Variants in VPS8 observed in about 807,000 individuals in gnomAD.
VPS8 encodes the protein VPS8 subunit of CORVET complex, also known as vacuolar protein sorting-associated protein 8 homolog.
VPS8 carries 129 observed loss-of-function variants against 216.4 expected under a neutral mutation model. That is an observed-to-expected ratio of 0.60 (90% confidence interval 0.52 to 0.69). The LOEUF is 0.69. Ranked by LOEUF, VPS8 falls within the 30% of genes least tolerant of loss-of-function variation. The probability of loss-of-function intolerance (pLI) is 0.00; values close to 1 mark genes in which losing one functional copy is unlikely to be tolerated. For synonymous variants in VPS8, 571 were observed against 565.4 expected (o/e 1.01, Z -0.14); for missense variants, 1,531 against 1,683.5 (o/e 0.91, Z 1.59).
intron 46 of VPS8, among the ~76,000 whole-genome samples, chr3:185,025,143 G>C (rs760386755): frequency 2.6e-5 from 4 of 152,246 alleles, no homozygotes; most frequent in African/African-American, 4.8e-5. Flanking sequence ...TGCTACTTCA[G>C]TTCCTGACTG....
chr3:184,858,628 G>A (rs976840415), intron 14 of VPS8, among the ~76,000 whole-genome samples: 1 of 152,212 alleles, frequency 6.6e-6, no homozygotes, highest in African/African-American at 2.4e-5. Flanking sequence ...GCAGGAACAT[G>A]GTTGTGGTGG....
intron 36 of VPS8, among the ~76,000 whole-genome samples, chr3:184,940,531 G>A (rs1742497752): frequency 6.6e-6 from 1 of 152,166 alleles, no homozygotes; most frequent in African/African-American, 2.4e-5. Flanking sequence ...TGTTTCAGAA[G>A]AGTTAGCTTC....
At chr3:185,039,361 T>G (rs1268529627) in intron 46 of VPS8, among the ~76,000 whole-genome samples, 1 of 152,066 alleles carries the variant, frequency 6.6e-6, no homozygotes, top group African/African-American at 2.4e-5. Context: ...TTCTGCAGTC[T>G]GTACAAGCAG....
intron 40 of VPS8, among the ~76,000 whole-genome samples, chr3:184,977,566 T>G (rs914017859): frequency 8.5e-5 from 13 of 152,234 alleles, no homozygotes; most frequent in African/African-American, 2.9e-4. Context: ...GGTATTCTTC[T>G]AAGAGTTTTA....
At chr3:184,865,766 T>C (rs1032882926) in intron 16 of VPS8, among the ~76,000 whole-genome samples, 1 of 152,186 alleles carries the variant, frequency 6.6e-6, no homozygotes, top group Non-Finnish European at 1.5e-5. Flanking sequence ...GGCGGGAGGA[T>C]CACCTGAGGT....
intron 34 of VPS8, among the ~76,000 whole-genome samples, chr3:184,933,296 T>C (rs1453442331): frequency 1.3e-5 from 2 of 152,208 alleles, no homozygotes; most frequent in African/African-American, 4.8e-5. Flanking sequence ...CATTTACCTT[T>C]CCTTAATTAC....
intron 44 of VPS8, 106 bp from the exon 45 acceptor site, chr3:184,999,590 A>G: frequency 1.5e-6 from 2 of 1,352,024 alleles, no homozygotes; most frequent in Non-Finnish European, 2.0e-6. Flanking sequence ...CCATCAGTGC[A>G]TTTCTACTTG....
At chr3:185,016,794 C>T (rs1332906638) in intron 45 of VPS8, among the ~76,000 whole-genome samples, 3 of 152,024 alleles carry the variant, frequency 2.0e-5, no homozygotes, top group Admixed American at 1.3e-4. Context: ...GCTATGTGTC[C>T]GTTTTCTAAT....
chr3:184,971,338 G>A (rs76080940), intron 39 of VPS8, among the ~76,000 whole-genome samples: 6,407 of 152,278 alleles, frequency 0.042, 238 homozygotes, highest in East Asian at 0.1. Flanking sequence ...CAAGAAAGGT[G>A]AATGATAATC....
chr3:184,911,996 C>T (rs1056109636), intron 25 of VPS8, among the ~76,000 whole-genome samples: 2 of 152,150 alleles, frequency 1.3e-5, no homozygotes, highest in Non-Finnish European at 2.9e-5. Flanking sequence ...GCACCTGGTA[C>T]CTTGCTTTTT....
intron 37 of VPS8, among the ~76,000 whole-genome samples, chr3:184,962,057 C>T (rs1006354465): frequency 2.0e-5 from 3 of 152,338 alleles, no homozygotes; most frequent in Admixed American, 6.5e-5. Flanking sequence ...CCAGTGCACC[C>T]GGCCACTTTT....
Position 184,907,057 on chromosome 3 carries a change from C to T in VPS8, c.2146+6085C>T, listed in dbSNP as rs1054323697. On this transcript the variant is annotated intron_variant, in intron 25 of 47. Coordinates refer to ENST00000625842, the MANE Select transcript of VPS8 (RefSeq NM_001009921.3). ...CCGTGACACAGCCTCAGGGTCCTAA[C>T]GACATGTGTCCAAGATGGGCAGCTT... Among the ~76,000 whole-genome samples, 9 of 152,274 alleles carry T rather than the reference C, an allele frequency of 5.9e-5. No individual in the cohort carries two copies. The South Asian group carries it at 1.0e-3, about 18-fold the overall frequency.
intron 15 of VPS8, among the ~76,000 whole-genome samples, chr3:184,860,308 G>A (rs1726045886): frequency 6.6e-6 from 1 of 150,648 alleles, no homozygotes; most frequent in Non-Finnish European, 1.5e-5. Context: ...ACTAGTCACT[G>A]CACTCCAGCC....
intron 16 of VPS8, 70 bp from the exon 17 acceptor site, chr3:184,866,806 G>T: frequency 6.9e-7 from 1 of 1,439,630 alleles, no homozygotes; most frequent in South Asian, 1.3e-5. Context: ...TAATAGTGAT[G>T]AAATGTTAAA....
chr3:184,983,321 G>C (rs1300078116), intron 42 of VPS8, among the ~76,000 whole-genome samples: 2 of 152,128 alleles, frequency 1.3e-5, no homozygotes, highest in Non-Finnish European at 1.5e-5. Context: ...CCTTCAGTTA[G>C]GGCGTGCGGC....
At chr3:184,929,687 T>C (rs1260785142) in intron 33 of VPS8, 23 bp downstream of exon 33, 5 of 1,374,758 alleles carry the variant, frequency 3.6e-6, no homozygotes, top group Non-Finnish European at 4.9e-6. Flanking sequence ...ACTGCTTTAC[T>C]CTTTTTTCTT....
intron 36 of VPS8, among the ~76,000 whole-genome samples, chr3:184,945,059 A>C (rs1471335412): frequency 6.6e-6 from 1 of 151,984 alleles, no homozygotes; most frequent in Admixed American, 6.6e-5. Flanking sequence ...CCTAGATCTT[A>C]TATCTTTGGT....
At chr3:184,881,885 G>C (rs1730325580) in intron 21 of VPS8, among the ~76,000 whole-genome samples, 1 of 151,406 alleles carries the variant, frequency 6.6e-6, no homozygotes, top group Admixed American at 6.6e-5. Flanking sequence ...TTCTAATTTT[G>C]GTATTCATAT....
intron 42 of VPS8, among the ~76,000 whole-genome samples, chr3:184,993,665 C>T (rs767131872): frequency 1.3e-5 from 2 of 152,020 alleles, no homozygotes; most frequent in African/African-American, 4.8e-5. Flanking sequence ...AACATATATA[C>T]GAGCTCAAAG....
Sources: gnomAD v4.1 joint callset for allele counts (sites outside exome capture counted in the v4.1 genomes callset) on GRCh38, gnomAD v4.1.1 for gene constraint, MANE v1.5 for transcripts, NCBI Gene and HGNC (gene_info 2026-07-23, HGNC 2026-07-21) for gene names.